The following MILR1 variants were observed in gnomAD, a reference collection of about 807,000 sequenced individuals.
The protein encoded by MILR1 is mast cell immunoglobulin like receptor 1, also known as allergin-1.
MILR1 carries 31 observed loss-of-function variants against 18.5 expected under a neutral mutation model. That is an observed-to-expected ratio of 1.68 (90% CI 1.26 to 2.26). The LOEUF is 2.26. Ranked by LOEUF, MILR1 falls within the 30% of genes most tolerant of loss-of-function variation. The pLI, the probability that MILR1 is intolerant of heterozygous loss-of-function variation, is 0.00. For synonymous variants in MILR1, 85 were observed against 56.2 expected, an observed-to-expected ratio of 1.51 and a Z score of -2.30; for missense variants, 257 against 157.4, an observed-to-expected ratio of 1.63 and a Z score of -3.38.
the MILR1 span, chr17:64,485,944 A>G: frequency 6.8e-7 from 1 of 1,465,460 alleles, no homozygotes; most frequent in Non-Finnish European, 9.5e-7. Context: ...ACGGAGTCTC[A>G]CTCTGTCACC....
intron 8 of MILR1, among the ~76,000 whole-genome samples, chr17:64,467,074 CTCTCTTTCTTTT>C (rs201032507): frequency 0.016 from 2,286 of 147,376 alleles, 32 homozygotes; most frequent in Non-Finnish European, 0.025. Context: ...TTCTCTCTCT[CTCTCTTTCTTTT>C]TCTCTTTCTT....
chr17:64,486,676 A>G, the MILR1 span, among the ~76,000 whole-genome samples: 1 of 152,068 alleles, frequency 6.6e-6, no homozygotes, highest in Non-Finnish European at 1.5e-5. Context: ...GAAAGGTAAC[A>G]CTTTTAAGTA....
the MILR1 span, among the ~76,000 whole-genome samples, chr17:64,475,854 C>T: frequency 1.4e-5 from 2 of 145,370 alleles, no homozygotes; most frequent in East Asian, 4.2e-4. Flanking sequence ...CACTGTGTCA[C>T]CCAGGCTGGA....
At chr17:64,492,805 T>C in the MILR1 span, 3 of 1,598,184 alleles carry the variant, frequency 1.9e-6, no homozygotes, top group African/African-American at 1.3e-5. Context: ...GAAGTTAGCT[T>C]ATCTGAAAAT....
the MILR1 span, among the ~76,000 whole-genome samples, chr17:64,479,138 T>C: frequency 1.3e-5 from 2 of 151,442 alleles, no homozygotes; most frequent in Non-Finnish European, 2.9e-5. Context: ...CATTAGATGC[T>C]CTAATTATAG....
chr17:64,483,436 C>A, the MILR1 span, among the ~76,000 whole-genome samples: 2 of 151,914 alleles, frequency 1.3e-5, no homozygotes, highest in Non-Finnish European at 2.9e-5. Flanking sequence ...GAATGCTTGA[C>A]CCGGGAGGTC....
the MILR1 span, chr17:64,492,562 G>C: frequency 1.4e-6 from 1 of 706,200 alleles, no homozygotes; most frequent in Admixed American, 2.2e-5. Context: ...TATATTAATA[G>C]CTACATACAT....
At chr17:64,458,636 C>T (rs2037355918) in intron 4 of MILR1, among the ~76,000 whole-genome samples, 1 of 151,986 alleles carries the variant, frequency 6.6e-6, no homozygotes, top group Admixed American at 6.6e-5. Flanking sequence ...TCTGGCCAAG[C>T]CCTGTGTTTA....
At chr17:64,479,631 T>G in the MILR1 span, among the ~76,000 whole-genome samples, 3 of 151,828 alleles carry the variant, frequency 2.0e-5, no homozygotes, top group Non-Finnish European at 2.9e-5. Context: ...ATTAATGAAA[T>G]AGCATGGGGT....
chr17:64,477,009 A>G, the MILR1 span, among the ~76,000 whole-genome samples: 4 of 152,204 alleles, frequency 2.6e-5, no homozygotes, highest in Non-Finnish European at 2.9e-5. Flanking sequence ...TCTTATAAAC[A>G]TAGATATTAG....
the MILR1 span, among the ~76,000 whole-genome samples, chr17:64,476,839 TTAAAA>T: frequency 1.3e-5 from 2 of 148,368 alleles, no homozygotes; most frequent in Admixed American, 1.3e-4. Context: ...AAAATTAAAA[TTAAAA>T]TAAAAAAAAA....
At chr17:64,478,693 C>T in the MILR1 span, among the ~76,000 whole-genome samples, 270 of 151,968 alleles carry the variant, frequency 1.8e-3, 1 homozygote, top group African/African-American at 6.3e-3. Context: ...GTCAGGAGTT[C>T]GAGACCAGCC....
the MILR1 span, chr17:64,483,119 AT>A: frequency 1.7e-6 from 1 of 592,904 alleles, no homozygotes; most frequent in South Asian, 2.1e-5. Context: ...AACAGTTATA[AT>A]TTTCTGTGTG....
At chr17:64,477,765 G>C in the MILR1 span, 2 of 1,469,646 alleles carry the variant, frequency 1.4e-6, no homozygotes, top group Non-Finnish European at 1.8e-6. Flanking sequence ...ATAAATCTAA[G>C]TGAACATAAG....
At chr17:64,481,467 T>A in the MILR1 span, 1 of 938,268 alleles carries the variant, frequency 1.1e-6, no homozygotes, top group Non-Finnish European at 1.3e-6. Flanking sequence ...ATGAAAGCCA[T>A]CCCCCATGGC....
the MILR1 span, among the ~76,000 whole-genome samples, chr17:64,478,206 T>C: frequency 6.6e-6 from 1 of 152,172 alleles, no homozygotes; most frequent in Non-Finnish European, 1.5e-5. Context: ...TGAAAAGTCA[T>C]AAAAGAAAAT....
the MILR1 span, chr17:64,482,905 C>T: frequency 7.3e-7 from 1 of 1,376,092 alleles, no homozygotes; most frequent in Non-Finnish European, 1.0e-6. Flanking sequence ...GACATTTAAA[C>T]TCATTTAACT....
At chr17:64,481,597 G>A in the MILR1 span, among the ~76,000 whole-genome samples, 2 of 151,912 alleles carry the variant, frequency 1.3e-5, no homozygotes, top group Non-Finnish European at 2.9e-5. Flanking sequence ...GAAAGGCTGC[G>A]CACGGTGGCT....
At chr17:64,466,071 AG>A (rs1380319808) in intron 6 of MILR1, among the ~76,000 whole-genome samples, 3 of 152,192 alleles carry the variant, frequency 2.0e-5, no homozygotes, top group Non-Finnish European at 4.4e-5. Context: ...TCATGGTGGA[AG>A]GGGAAGCAAA....
Sources: allele counts gnomAD v4.1 joint callset (sites outside exome capture counted in the v4.1 genomes callset), GRCh38; gene constraint gnomAD v4.1.1; transcripts MANE v1.5; gene names NCBI Gene and HGNC (gene_info 2026-07-23, HGNC 2026-07-21).